The following EPB41L4B variants were observed in gnomAD, a reference collection of about 807,000 sequenced individuals.
The protein encoded by EPB41L4B is band 4.1-like protein 4B.
EPB41L4B carries 30 observed loss-of-function variants against 112.5 expected under a neutral mutation model. The observed-to-expected ratio is 0.27, with a 90% CI of 0.20 to 0.36. The LOEUF (loss-of-function observed/expected upper bound fraction) is 0.36. Among genes scored for constraint, EPB41L4B ranks in the 10% least tolerant of loss-of-function variants. The pLI, the probability that EPB41L4B is intolerant of heterozygous loss-of-function variation, is 1.00. For synonymous variants in EPB41L4B, 408 were observed against 439.7 expected (o/e 0.93, Z 0.90); for missense variants, 1,024 against 1,133.3 (o/e 0.90, Z 1.38).
intron 25 of EPB41L4B, among the ~76,000 whole-genome samples, chr9:109,176,040 T>TCACACACACA (rs762279356): frequency 2.3e-5 from 1 of 43,424 alleles, no homozygotes. Context: ...CTTGTCAATA[T>TCACACACACA]CACACACACG....
intron 2 of EPB41L4B, among the ~76,000 whole-genome samples, chr9:109,270,577 A>T (rs1835573637): frequency 6.6e-6 from 1 of 152,372 alleles, no homozygotes; most frequent in African/African-American, 2.4e-5. Context: ...CCTACCAAGT[A>T]ACATGCTAAT....
intron 19 of EPB41L4B, among the ~76,000 whole-genome samples, chr9:109,200,762 A>G (rs1832795658): frequency 6.6e-6 from 1 of 151,954 alleles, no homozygotes; most frequent in Admixed American, 6.6e-5. Flanking sequence ...TAAACATAGC[A>G]CAGACTATAT....
intron 11 of EPB41L4B, 137 bp from the exon 12 acceptor site, chr9:109,253,687 A>C: frequency 1.5e-6 from 1 of 649,336 alleles, no homozygotes; most frequent in South Asian, 1.8e-5. Flanking sequence ...GTAAAGAAAC[A>C]CAAAGTTTAA....
chr9:109,178,690 C>T (rs1403457651), intron 24 of EPB41L4B, among the ~76,000 whole-genome samples: 1 of 152,052 alleles, frequency 6.6e-6, no homozygotes, highest in Non-Finnish European at 1.5e-5. Flanking sequence ...AATCCACCTA[C>T]CTTGGCTTCC....
chr9:109,195,947 T>C (rs1451126156), intron 20 of EPB41L4B, among the ~76,000 whole-genome samples: 2 of 152,158 alleles, frequency 1.3e-5, no homozygotes, highest in African/African-American at 4.8e-5. Context: ...AAATTCATGA[T>C]AAAGTCATAA....
At chr9:109,275,889 A>T (rs1835796262) in intron 2 of EPB41L4B, among the ~76,000 whole-genome samples, 1 of 152,096 alleles carries the variant, frequency 6.6e-6, no homozygotes, top group Non-Finnish European at 1.5e-5. Flanking sequence ...TGGTAAAAGA[A>T]AGATCTAGAA....
intron 15 of EPB41L4B, chr9:109,240,906 G>T (rs947152562): frequency 1.6e-5 from 16 of 985,320 alleles, no homozygotes; most frequent in Non-Finnish European, 1.9e-5. Flanking sequence ...CAGCAAATTC[G>T]ATCAAAACAA....
chr9:109,243,147 C>A (rs1348045696), intron 15 of EPB41L4B, among the ~76,000 whole-genome samples: 1 of 149,630 alleles, frequency 6.7e-6, no homozygotes, highest in Non-Finnish European at 1.5e-5. Flanking sequence ...TTTATTGACC[C>A]CTCAGTTTAG....
chr9:109,213,601 G>T, intron 17 of EPB41L4B, 99 bp downstream of exon 17: 1 of 950,760 alleles, frequency 1.1e-6, no homozygotes, highest in Non-Finnish European at 1.7e-6. Flanking sequence ...ATCCCTCCAA[G>T]GCAAAGGCAC....
At position 109,267,461 on chromosome 9, in the gene EPB41L4B, A is replaced by G. The variant is rs1374468703; in HGVS notation, c.533+12T>C. 3.1e-6 allele frequency: 5 copies of G among 1,597,330 alleles called. No individual in the cohort carries two copies. The highest frequency in any genetic ancestry group is 3.4e-6 in the Non-Finnish European group (4 of 1,165,536). ...CCTGCTGGGCGGGAGCTTGTTCTGCATCGTGGCCTACCTTGTAAACTCCTC... is the reference window on the plus strand; with the variant it reads ...CCTGCTGGGCGGGAGCTTGTTCTGCGTCGTGGCCTACCTTGTAAACTCCTC... On this transcript the variant is annotated intron_variant, in intron 4 of 25. Coordinates refer to ENST00000374566, the MANE Select transcript of EPB41L4B (RefSeq NM_019114.5).
chr9:109,216,202 A>G (rs893162395), intron 16 of EPB41L4B, among the ~76,000 whole-genome samples: 9 of 152,190 alleles, frequency 5.9e-5, no homozygotes, highest in Non-Finnish European at 7.3e-5. Context: ...GAGGCAGAGA[A>G]CTGTTAAGAA....
chr9:109,198,886 GGTGACAGA>G (rs538442187), intron 20 of EPB41L4B, among the ~76,000 whole-genome samples: 174 of 150,210 alleles, frequency 1.2e-3, no homozygotes, highest in Middle Eastern at 3.4e-3. Flanking sequence ...CTCCAGCCTG[GGTGACAGA>G]GTGACAGAGT....
intron 1 of EPB41L4B, among the ~76,000 whole-genome samples, chr9:109,313,109 C>T (rs1045207536): frequency 6.6e-6 from 1 of 152,122 alleles, no homozygotes; most frequent in South Asian, 2.1e-4. Context: ...TCTCCAACTC[C>T]AGCCCACACT....
chr9:109,186,970 G>T (rs531358129), intron 22 of EPB41L4B, among the ~76,000 whole-genome samples: 1 of 152,268 alleles, frequency 6.6e-6, no homozygotes, highest in African/African-American at 2.4e-5. Context: ...TTTGGGATAC[G>T]CAGGGTTCTC....
intron 17 of EPB41L4B, among the ~76,000 whole-genome samples, chr9:109,208,479 C>T (rs528860116): frequency 2.0e-5 from 3 of 152,274 alleles, no homozygotes; most frequent in East Asian, 1.9e-4. Context: ...AGTTTGACAA[C>T]AAATCTTGCA....
chr9:109,248,239 G>A (rs1461352467), intron 13 of EPB41L4B, among the ~76,000 whole-genome samples: 1 of 152,206 alleles, frequency 6.6e-6, no homozygotes, highest in East Asian at 1.9e-4. Context: ...ATCTCCCACT[G>A]GGTACTGTGG....
At chr9:109,283,234 C>T (rs1311336594) in intron 1 of EPB41L4B, among the ~76,000 whole-genome samples, 1 of 152,130 alleles carries the variant, frequency 6.6e-6, no homozygotes, top group Non-Finnish European at 1.5e-5. Context: ...AGGGTTCTCC[C>T]CTGACTTGTG....
chr9:109,314,544 T>C (rs1272539427), intron 1 of EPB41L4B, among the ~76,000 whole-genome samples: 2 of 149,644 alleles, frequency 1.3e-5, no homozygotes, highest in Non-Finnish European at 3.0e-5. Context: ...TTATTAACAC[T>C]GACAAATCCA....
intron 17 of EPB41L4B, among the ~76,000 whole-genome samples, chr9:109,210,429 T>C (rs1564267693): frequency 6.6e-6 from 1 of 152,202 alleles, no homozygotes; most frequent in Non-Finnish European, 1.5e-5. Context: ...TAAAGCCCAT[T>C]TGAGGCTTTT....
Sources: gnomAD v4.1 joint callset for allele counts (sites outside exome capture counted in the v4.1 genomes callset) on GRCh38, gnomAD v4.1.1 for gene constraint, MANE v1.5 for transcripts, NCBI Gene and HGNC (gene_info 2026-07-23, HGNC 2026-07-21) for gene names.